The following KIF20B variants were observed in gnomAD, a reference collection of about 807,000 sequenced individuals.
KIF20B encodes the protein kinesin family member 20B.
KIF20B carries 188 observed loss-of-function variants against 232.5 expected under a neutral mutation model. That is an observed-to-expected ratio of 0.81 (90% CI 0.72 to 0.91). The LOEUF (loss-of-function observed/expected upper bound fraction) is 0.91. Ranked by LOEUF, KIF20B falls within the 40% of genes least tolerant of loss-of-function variation. The probability of loss-of-function intolerance (pLI) is 0.00; values close to 1 mark genes in which losing one functional copy is unlikely to be tolerated. For missense variants in KIF20B, 2,154 were observed against 2,055.9 expected, an observed-to-expected ratio of 1.05 and a Z score of -0.92; for synonymous variants, 712 against 683.0, an observed-to-expected ratio of 1.04 and a Z score of -0.66.
intron 26 of KIF20B, among the ~76,000 whole-genome samples, chr10:89,757,040 G>GTGTGTGTGTGTGTATA (rs1301847520): frequency 4.5e-5 from 5 of 110,744 alleles, no homozygotes; most frequent in African/African-American, 1.7e-4. Context: ...GTGTGTGTGT[G>GTGTGTGTGTGTGTATA]TATATATATA....
chr10:89,764,636 C>G (rs1000821838), intron 29 of KIF20B, among the ~76,000 whole-genome samples: 1 of 152,106 alleles, frequency 6.6e-6, no homozygotes, highest in African/African-American at 2.4e-5. Context: ...TTGCATTTCT[C>G]TGATGGCCAG....
chr10:89,722,293 G>A (rs1049706953), intron 13 of KIF20B, among the ~76,000 whole-genome samples: 2 of 152,236 alleles, frequency 1.3e-5, no homozygotes, highest in African/African-American at 2.4e-5. Flanking sequence ...ACTTAAATTC[G>A]TTTAGCTGTA....
In KIF20B at chr10:89,754,458, A is replaced by G. The variant is rs1182195861; in HGVS notation, c.4348-60A>G. On this transcript the variant is annotated intron_variant, in intron 25 of 32. Transcript: ENST00000371728. ...AATGGATTGTATGAAAATGTTATAG[A>G]AACATGTATTGACTACTTTGTAGGC... is the stretch of plus-strand genomic sequence containing the variant. 3 of 1,092,776 alleles carry G rather than the reference A, an allele frequency of 2.7e-6. No individual in the cohort carries two copies. In the East Asian group the frequency reaches 8.3e-5, roughly 30 times the overall value. The allele number at this position is 1,092,776 out of a possible 1,614,324, so 67.7% of individuals were successfully genotyped here. A position where few individuals can be genotyped will look rare whatever the true frequency, so the allele number is the denominator to read the frequency against.
intron 21 of KIF20B, among the ~76,000 whole-genome samples, chr10:89,742,539 G>A (rs907472039): frequency 2.0e-5 from 3 of 152,046 alleles, no homozygotes; most frequent in African/African-American, 7.2e-5. Context: ...GATGAAGATG[G>A]TGTTTATTAC....
intron 26 of KIF20B, among the ~76,000 whole-genome samples, chr10:89,756,825 A>G (rs1705982729): frequency 6.6e-6 from 1 of 152,048 alleles, no homozygotes; most frequent in South Asian, 2.1e-4. Flanking sequence ...GTTTGTGAGA[A>G]TCATCCATGT....
chr10:89,745,272 C>A (rs1276467279), intron 22 of KIF20B, among the ~76,000 whole-genome samples: 1 of 152,178 alleles, frequency 6.6e-6, no homozygotes, highest in Non-Finnish European at 1.5e-5. Flanking sequence ...CGCATGTAAT[C>A]CCAGCACTTT....
intron 28 of KIF20B, 84 bp downstream of exon 28, chr10:89,760,720 T>A: frequency 1.3e-6 from 1 of 798,368 alleles, no homozygotes; most frequent in South Asian, 1.5e-5. Context: ...TTGCTGAAGA[T>A]ACCTTACTGC....
chr10:89,739,010 G>C lies in KIF20B; in HGVS notation c.3829G>C (p.Asp1277His). ...TGCTCGTACCCAGAATCTGAAAGCA[G>C]ATCTTCAGAGGAAGGAAGAAGATTA... ...SSARTQNLKA[D>H]LQRKEEDYAD... The change falls in exon 21 of 33, where the codon GAT becomes CAT. Residue 1277 changes from aspartate (D) to histidine (H), a missense_variant. By Grantham distance (81) the Asp-to-His change is moderately conservative (BLOSUM62 -1). Coordinates refer to ENST00000371728, the MANE Select transcript of KIF20B (RefSeq NM_001284259.2). 6.2e-7 allele frequency: 1 copy of C among 1,613,260 alleles called. No homozygotes were observed. The highest frequency in any genetic ancestry group is 1.1e-5 in the South Asian group (1 of 91,016).
intron 29 of KIF20B, among the ~76,000 whole-genome samples, chr10:89,763,300 G>A (rs1041111447): frequency 1.3e-5 from 2 of 152,066 alleles, no homozygotes; most frequent in African/African-American, 4.8e-5. Context: ...GAATATTACT[G>A]TGGTTTAATG....
rs1045702944 is a variant in KIF20B, at chr10:89,723,905, G to A, written c.1723-59G>A. ...GTTTTATTTTTTGAACAGTTGGACG[G>A]TATTTCTCTTGGGATATATTTATTC... On this transcript the variant is annotated intron_variant, in intron 13 of 32. Transcript: ENST00000371728. 2.1e-5 allele frequency: 26 copies of A among 1,247,502 alleles called. 1 individual carries two copies. The South Asian group carries it at 4.4e-4, about 21-fold the overall frequency. 77.3% of individuals were successfully genotyped at this position (1,247,502 alleles called of 1,614,324 possible). A position where few individuals can be genotyped will look rare whatever the true frequency, so the allele number is the denominator to read the frequency against.
intron 13 of KIF20B, among the ~76,000 whole-genome samples, chr10:89,721,801 A>G (rs1323225304): frequency 6.6e-6 from 1 of 152,122 alleles, no homozygotes; most frequent in Non-Finnish European, 1.5e-5. Context: ...TTTATGATGG[A>G]TTATATAGTA....
At chr10:89,768,012 C>T (rs1052030883) in intron 29 of KIF20B, among the ~76,000 whole-genome samples, 2 of 151,908 alleles carry the variant, frequency 1.3e-5, no homozygotes, top group Admixed American at 1.3e-4. Flanking sequence ...GGCTGTATAC[C>T]TCTTTGTTTT....
At chr10:89,709,855 T>C (rs1842802289) in intron 4 of KIF20B, 72 bp from the exon 5 acceptor site, 3 of 1,234,858 alleles carry the variant, frequency 2.4e-6, no homozygotes. Flanking sequence ...TAAACAGTAG[T>C]GTTGGGATGG....
At chr10:89,745,339 AC>A (rs1458347571) in intron 22 of KIF20B, among the ~76,000 whole-genome samples, 1 of 152,150 alleles carries the variant, frequency 6.6e-6, no homozygotes, top group African/African-American at 2.4e-5. Context: ...CCTGACCAAC[AC>A]GGTGAAACCC....
chr10:89,727,243 T>C (rs2133110763), intron 16 of KIF20B, among the ~76,000 whole-genome samples: 1 of 146,618 alleles, frequency 6.8e-6, no homozygotes, highest in East Asian at 2.0e-4. Context: ...CATTTTCTTT[T>C]TCTGTCTTCC....
intron 18 of KIF20B, among the ~76,000 whole-genome samples, chr10:89,729,752 CT>C (rs1477462881): frequency 6.6e-6 from 1 of 152,196 alleles, no homozygotes; most frequent in Non-Finnish European, 1.5e-5. Flanking sequence ...AAAGGGTTGT[CT>C]TTCATACAAA....
At chr10:89,743,603 A>G (rs960086008) in intron 21 of KIF20B, among the ~76,000 whole-genome samples, 1 of 152,214 alleles carries the variant, frequency 6.6e-6, no homozygotes, top group South Asian at 2.1e-4. Context: ...AGTTTTTCAT[A>G]TGCATTCTTC....
chr10:89,733,618 G>C (rs1843379363), intron 19 of KIF20B, among the ~76,000 whole-genome samples: 1 of 152,170 alleles, frequency 6.6e-6, no homozygotes, highest in Admixed American at 6.5e-5. Flanking sequence ...AGAGGAGGTA[G>C]ACTCTTTAGA....
At position 89,772,715 on chromosome 10, in the gene KIF20B, T is replaced by C. The variant is rs762828334; in HGVS notation, c.5269T>C (p.Ser1757Pro). 5.7e-6 allele frequency: 9 copies of C among 1,584,088 alleles called. No individual in the cohort carries two copies. The highest frequency in any genetic ancestry group is 1.4e-5 in the African/African-American group (1 of 73,520). Residue 1757 changes from serine to proline, a missense_variant, in exon 32 of 33, where the codon TCT becomes CCT. Physicochemically the swap from Ser to Pro is moderately conservative, Grantham distance 74 (BLOSUM62 -1). Coordinates refer to ENST00000371728, the MANE Select transcript of KIF20B (RefSeq NM_001284259.2). ...AAAGAAGATAATTGAAACAATGAGC[T>C]CTTCAAAGCTCTCAAATGTAGAAGC... ...KAKKIIETMS[S>P]SKLSNVEASK...
Sources: allele counts gnomAD v4.1 joint callset (sites outside exome capture counted in the v4.1 genomes callset), GRCh38; gene constraint gnomAD v4.1.1; transcripts MANE v1.5; gene names NCBI Gene and HGNC (gene_info 2026-07-23, HGNC 2026-07-21).